Variants in MTMR2 observed in about 807,000 individuals in gnomAD.
The protein encoded by MTMR2 is phosphatidylinositol-3,5-bisphosphate 3-phosphatase MTMR2.
MTMR2 carries 55 observed loss-of-function variants against 86.9 expected under a neutral mutation model. That is an observed-to-expected ratio of 0.63 (90% CI 0.51 to 0.79). MTMR2 has a LOEUF of 0.79. Ranked by LOEUF, MTMR2 falls within the 30% of genes least tolerant of loss-of-function variation. MTMR2 has a pLI of 0.00. For missense variants in MTMR2, 659 were observed against 772.3 expected (o/e 0.85, Z 1.74); for synonymous variants, 241 against 266.8 (o/e 0.90, Z 0.94).
chr11:95,840,241 T>TACAC (rs1684935759), intron 12 of MTMR2: 1 of 152,164 alleles, frequency 6.6e-6, no homozygotes, highest in Non-Finnish European at 1.5e-5. Context: ...TGGAAAGCAG[T>TACAC]ACACACAACC....
At chr11:95,862,424 T>C in intron 3 of MTMR2, 58 bp from the exon 4 acceptor site, 1 of 1,266,144 alleles carries the variant, frequency 7.9e-7, no homozygotes, top group Non-Finnish European at 1.2e-6. Flanking sequence ...AAACCTGCTA[T>C]CTCATCTTAT....
chr11:95,874,662 G>A (rs551123637), intron 2 of MTMR2, among the ~76,000 whole-genome samples: 5 of 152,248 alleles, frequency 3.3e-5, no homozygotes, highest in East Asian at 1.9e-4. Context: ...TATTTTGCTC[G>A]TTAGTTGATG....
chr11:95,891,778 T>G (rs997977009), intron 1 of MTMR2, among the ~76,000 whole-genome samples: 1 of 151,954 alleles, frequency 6.6e-6, no homozygotes, highest in African/African-American at 2.4e-5. Context: ...AGTGTGGGAA[T>G]ACATCATAGT....
intron 12 of MTMR2, among the ~76,000 whole-genome samples, chr11:95,839,199 A>G (rs931056970): frequency 6.6e-6 from 1 of 151,852 alleles, no homozygotes. Context: ...GATTTCCTAA[A>G]CAAGAAAGGG....
intron 10 of MTMR2, among the ~76,000 whole-genome samples, chr11:95,847,127 T>C (rs1298179962): frequency 2.0e-5 from 3 of 152,186 alleles, no homozygotes; most frequent in Non-Finnish European, 4.4e-5. Flanking sequence ...ACATGTGCTC[T>C]GCGAATGACT....
chr11:95,890,444 C>T (rs1471591801), intron 1 of MTMR2, among the ~76,000 whole-genome samples: 1 of 152,152 alleles, frequency 6.6e-6, no homozygotes, highest in Non-Finnish European at 1.5e-5. Context: ...TATTCTCTTC[C>T]TTGTGGCTAG....
At chr11:95,891,728 G>C (rs1037753831) in intron 1 of MTMR2, among the ~76,000 whole-genome samples, 3 of 152,116 alleles carry the variant, frequency 2.0e-5, no homozygotes, top group African/African-American at 7.2e-5. Context: ...AGTCTACAAA[G>C]GGTTTTACTC....
At chr11:95,880,456 C>T (rs1865283869) in intron 2 of MTMR2, among the ~76,000 whole-genome samples, 1 of 151,976 alleles carries the variant, frequency 6.6e-6, no homozygotes, top group African/African-American at 2.4e-5. Flanking sequence ...AAATGTGGGA[C>T]TTTCTACATT....
rs1222409634 is a variant in MTMR2 at position 95,914,310 on chromosome 11, TA to T, written c.80+9564del. On this transcript the variant is annotated intron_variant, in intron 1 of 14. Coordinates refer to ENST00000346299, the MANE Select transcript of MTMR2 (RefSeq NM_016156.6). The stretch of plus-strand genomic sequence containing the variant: ...CAAATGTCAATGGCTCTTAACACAT[TA>T]ACTGTAAATAAACACAAAGGAACTT... The T allele has an allele frequency of 3.1e-6, 3 of 972,870 alleles. No individual in the cohort carries two copies. The African/African-American group carries it at 5.3e-5, about 17-fold the overall frequency. The allele number at this position is 972,870 out of a possible 1,614,324, so 60.3% of individuals were successfully genotyped here.
chr11:95,858,920 T>G (rs1864306887), intron 5 of MTMR2, among the ~76,000 whole-genome samples: 1 of 152,168 alleles, frequency 6.6e-6, no homozygotes. Flanking sequence ...ATGTAACCAC[T>G]GGAGATTAAC....
chr11:95,903,013 T>C (rs1866128967), intron 1 of MTMR2, among the ~76,000 whole-genome samples: 1 of 152,246 alleles, frequency 6.6e-6, no homozygotes, highest in Admixed American at 6.5e-5. Flanking sequence ...TGCCAACTGC[T>C]GTAATTCTTA....
intron 2 of MTMR2, among the ~76,000 whole-genome samples, chr11:95,886,347 A>C (rs1372012812): frequency 1.3e-5 from 2 of 152,212 alleles, no homozygotes; most frequent in Non-Finnish European, 2.9e-5. Flanking sequence ...TAAAAGTTTA[A>C]GAAAAAGTAG....
Position 95,912,566 on chromosome 11 carries a change from G to A in MTMR2, c.80+11309C>T, listed in dbSNP as rs145746272. Among the ~76,000 whole-genome samples the A allele has an allele frequency of 6.5e-3, 985 of 151,544 alleles. 10 individuals are homozygous for A. The highest frequency in any genetic ancestry group is 9.0e-3 in the Non-Finnish European group (613 of 67,766). On this transcript the variant is annotated intron_variant, in intron 1 of 14. Coordinates refer to ENST00000346299, the MANE Select transcript of MTMR2 (RefSeq NM_016156.6). ...AGAGTATTTCCAAAATTAAGATAAC[G>A]AGATTTACTCATATAAAGTTACAAA...
chr11:95,904,317 T>A (rs111974384), intron 1 of MTMR2, among the ~76,000 whole-genome samples: 1 of 152,108 alleles, frequency 6.6e-6, no homozygotes, highest in African/African-American at 2.4e-5. Context: ...TCCCTCCAAA[T>A]AGTGCTTCAT....
At chr11:95,880,753 T>C (rs1160513867) in intron 2 of MTMR2, among the ~76,000 whole-genome samples, 1 of 152,116 alleles carries the variant, frequency 6.6e-6, no homozygotes, top group Non-Finnish European at 1.5e-5. Context: ...TTCTTGTTCA[T>C]AGACTTTCTC....
At chr11:95,922,883 G>C (rs1866980142) in intron 1 of MTMR2, among the ~76,000 whole-genome samples, 1 of 145,946 alleles carries the variant, frequency 6.9e-6, no homozygotes, top group Non-Finnish European at 1.5e-5. Flanking sequence ...CACTTCAACT[G>C]ATTGAAGGAG....
At chr11:95,871,425 G>C (rs576470244) in intron 2 of MTMR2, among the ~76,000 whole-genome samples, 1 of 152,030 alleles carries the variant, frequency 6.6e-6, no homozygotes, top group African/African-American at 2.4e-5. Flanking sequence ...TTTAATGATC[G>C]CCATTCTAAC....
intron 12 of MTMR2, 61 bp from the exon 13 acceptor site, chr11:95,838,268 T>G: frequency 1.1e-6 from 1 of 894,180 alleles, no homozygotes; most frequent in East Asian, 2.4e-5. Flanking sequence ...TTCATCCCTG[T>G]CATGGGTAGA....
chr11:95,858,540 A>G lies in MTMR2; in HGVS notation c.561T>C (p.Ser187=). The change falls in exon 6 of 15, where the codon TCT becomes TCC. Residue 187 remains serine, a synonymous_variant. Coordinates refer to ENST00000346299, the MANE Select transcript of MTMR2 (RefSeq NM_016156.6). The stretch of plus-strand genomic sequence containing the variant: ...ACAGGAAACATTTTACCAGGTTATT[A>G]GAGACAGGAAATGCATATTTCATTA... The part of the protein sequence containing the change: ...ENLMKYAFPV[S]NNLPLFAFEY... 6.2e-7 allele frequency: 1 copy of G among 1,606,478 alleles called. No individual in the cohort carries two copies. The highest frequency in any genetic ancestry group is 8.5e-7 in the Non-Finnish European group (1 of 1,173,242).
Sources: gnomAD v4.1 joint callset for allele counts (sites outside exome capture counted in the v4.1 genomes callset) on GRCh38, gnomAD v4.1.1 for gene constraint, MANE v1.5 for transcripts, NCBI Gene and HGNC (gene_info 2026-07-23, HGNC 2026-07-21) for gene names.